The following SEMA5A variants were observed in gnomAD, a reference collection of about 807,000 sequenced individuals.
The protein encoded by SEMA5A is semaphorin 5A, also known as semaphorin-5A.
Under a neutral mutation model 135.5 loss-of-function variants are expected in SEMA5A, and 55 were observed. The ratio of observed to expected loss-of-function variants is 0.41; its 90% CI spans 0.33 to 0.51. SEMA5A has a LOEUF of 0.51. Among genes scored for constraint, SEMA5A ranks in the 20% least tolerant of loss-of-function variants. The pLI, the probability that SEMA5A is intolerant of heterozygous loss-of-function variation, is 0.37. For missense variants in SEMA5A, 1,290 were observed against 1,419.9 expected (o/e 0.91, Z 1.47); for synonymous variants, 580 against 546.5 (o/e 1.06, Z -0.85).
intron 2 of SEMA5A, among the ~76,000 whole-genome samples, chr5:9,435,974 T>C (rs1758014147): frequency 6.6e-6 from 1 of 152,242 alleles, no homozygotes; most frequent in South Asian, 2.1e-4. Flanking sequence ...ACTGTTCTTA[T>C]TCTAGGGAGG....
At chr5:9,344,162 G>T (rs924992735) in intron 3 of SEMA5A, among the ~76,000 whole-genome samples, 1 of 152,144 alleles carries the variant, frequency 6.6e-6, no homozygotes, top group Non-Finnish European at 1.5e-5. Flanking sequence ...ATCAGGAATT[G>T]TATGAGATAC....
At chr5:9,242,772 AT>A (rs934020561) in intron 5 of SEMA5A, among the ~76,000 whole-genome samples, 61 of 151,780 alleles carry the variant, frequency 4.0e-4, no homozygotes, top group African/African-American at 1.3e-3. Flanking sequence ...GGGAAAATAA[AT>A]TTTTTTTTAA....
intron 6 of SEMA5A, among the ~76,000 whole-genome samples, chr5:9,230,945 C>T (rs1471649303): frequency 6.6e-6 from 1 of 152,148 alleles, no homozygotes; most frequent in Non-Finnish European, 1.5e-5. Context: ...ACGTACTTCC[C>T]GTTCTTACTC....
intron 11 of SEMA5A, among the ~76,000 whole-genome samples, chr5:9,176,666 T>C (rs181966536): frequency 1.2e-3 from 178 of 152,334 alleles, no homozygotes; most frequent in African/African-American, 4.1e-3. Context: ...TGTCCTGCTC[T>C]TGTTGAAAAA....
chr5:9,372,192 G>C (rs534769414), intron 3 of SEMA5A, among the ~76,000 whole-genome samples: 1 of 152,330 alleles, frequency 6.6e-6, no homozygotes, highest in South Asian at 2.1e-4. Context: ...CTCTACTGCA[G>C]CCTGTCCTGT....
chr5:9,335,037 G>A (rs895699835), intron 4 of SEMA5A, among the ~76,000 whole-genome samples: 1 of 152,070 alleles, frequency 6.6e-6, no homozygotes, highest in Non-Finnish European at 1.5e-5. Context: ...GATTCCAGGG[G>A]CCCTGGGATG....
intron 1 of SEMA5A, among the ~76,000 whole-genome samples, chr5:9,523,473 A>G (rs1040954664): frequency 5.9e-5 from 9 of 152,186 alleles, no homozygotes; most frequent in Non-Finnish European, 1.3e-4. Context: ...TATTGTGTAA[A>G]ATTGTTTACA....
At position 9,287,546 on chromosome 5, in the gene SEMA5A, T is replaced by C. The variant is rs145482033; in HGVS notation, c.270+30826A>G. On this transcript the variant is annotated intron_variant, in intron 5 of 22. Transcript: ENST00000382496. Reference sequence around the variant, plus strand: ...CAAGAATTTATAATTTATAAACCTTTAAAAATTATATTCTTCTGAAATAAA... The same window carrying C: ...CAAGAATTTATAATTTATAAACCTTCAAAAATTATATTCTTCTGAAATAAA... 4.4e-3 allele frequency among the ~76,000 whole-genome samples: 671 copies of C among 152,322 alleles called. 1 individual carries two copies. The highest frequency in any genetic ancestry group is 6.2e-3 in the Non-Finnish European group (421 of 68,032).
intron 12 of SEMA5A, among the ~76,000 whole-genome samples, chr5:9,141,685 A>G (rs1007797540): frequency 3.3e-5 from 5 of 152,220 alleles, no homozygotes; most frequent in African/African-American, 1.2e-4. Context: ...TAACATCAAC[A>G]TATATCTAAA....
At chr5:9,293,788 T>A (rs537832343) in intron 5 of SEMA5A, among the ~76,000 whole-genome samples, 1 of 152,332 alleles carries the variant, frequency 6.6e-6, no homozygotes, top group East Asian at 1.9e-4. Flanking sequence ...AAATTAGTAA[T>A]AATGTTTAGG....
intron 14 of SEMA5A, 28 bp downstream of exon 14, chr5:9,122,628 C>A: frequency 6.7e-7 from 1 of 1,496,204 alleles, no homozygotes. Context: ...TACACAGCAG[C>A]ACAACTGGCG....
At chr5:9,293,812 G>A (rs1445589061) in intron 5 of SEMA5A, among the ~76,000 whole-genome samples, 1 of 152,040 alleles carries the variant, frequency 6.6e-6, no homozygotes, top group African/African-American at 2.4e-5. Context: ...GAGGTGGAGG[G>A]GATATTGGGT....
chr5:9,154,807 C>T, intron 11 of SEMA5A, 112 bp from the exon 12 acceptor site: 2 of 905,438 alleles, frequency 2.2e-6, no homozygotes, highest in Non-Finnish European at 3.5e-6. Flanking sequence ...CCAGGAAAGC[C>T]ATCTGAGCAT....
At chr5:9,067,263 G>A (rs1398911505) in intron 16 of SEMA5A, among the ~76,000 whole-genome samples, 1 of 152,162 alleles carries the variant, frequency 6.6e-6, no homozygotes, top group East Asian at 1.9e-4. Context: ...GTAACCACAG[G>A]TAGGAGGATC....
At chr5:9,150,377 T>C (rs1742567070) in intron 12 of SEMA5A, among the ~76,000 whole-genome samples, 4 of 152,214 alleles carry the variant, frequency 2.6e-5, no homozygotes. Flanking sequence ...TAGTGCAGTT[T>C]CTCTGGTACT....
chr5:9,474,064 G>GT (rs775179981), intron 1 of SEMA5A, among the ~76,000 whole-genome samples: 6 of 152,094 alleles, frequency 3.9e-5, no homozygotes, highest in Admixed American at 6.5e-5. Flanking sequence ...TGTCAAATGA[G>GT]TTTTTTTTAA....
chr5:9,265,381 A>G, intron 5 of SEMA5A: 1 of 455,584 alleles, frequency 2.2e-6, no homozygotes. Flanking sequence ...CAGACCATAT[A>G]ATTTATCTAA....
intron 16 of SEMA5A, among the ~76,000 whole-genome samples, chr5:9,082,858 A>G (rs2150107205): frequency 6.6e-6 from 1 of 152,268 alleles, no homozygotes; most frequent in Non-Finnish European, 1.5e-5. Context: ...AGGAATATCC[A>G]CAGCAGGGTG....
intron 1 of SEMA5A, among the ~76,000 whole-genome samples, chr5:9,504,231 A>G (rs1735749889): frequency 6.6e-6 from 1 of 151,490 alleles, no homozygotes; most frequent in Non-Finnish European, 1.5e-5. Context: ...AAAGAAAAAA[A>G]AAAAAAAACA....
Sources: gnomAD v4.1 joint callset for allele counts (sites outside exome capture counted in the v4.1 genomes callset) on GRCh38, gnomAD v4.1.1 for gene constraint, MANE v1.5 for transcripts, NCBI Gene and HGNC (gene_info 2026-07-23, HGNC 2026-07-21) for gene names.